RXFP1: variants seen among roughly 807,000 people sequenced by gnomAD.
RXFP1 encodes relaxin receptor 1.
Under a neutral mutation model 89.8 loss-of-function variants are expected in RXFP1, and 73 were observed. That is an observed-to-expected ratio of 0.81 (90% CI 0.67 to 0.99). RXFP1 has a LOEUF of 0.99. Among genes scored for constraint, RXFP1 ranks in the 50% least tolerant of loss-of-function variants. The pLI, the probability that RXFP1 is intolerant of heterozygous loss-of-function variation, is 0.00. For synonymous variants in RXFP1, 277 were observed against 305.5 expected (o/e 0.91, Z 0.97); for missense variants, 793 against 895.5 (o/e 0.89, Z 1.46).
At chr4:158,610,928 T>G (rs1025822684) in intron 6 of RXFP1, among the ~76,000 whole-genome samples, 1 of 152,196 alleles carries the variant, frequency 6.6e-6, no homozygotes, top group African/African-American at 2.4e-5. Context: ...GGATGTTTAC[T>G]CAAGATATGA....
intron 9 of RXFP1, among the ~76,000 whole-genome samples, chr4:158,619,469 A>G (rs1323844057): frequency 6.6e-6 from 1 of 152,206 alleles, no homozygotes; most frequent in African/African-American, 2.4e-5. Context: ...GCAGGTACAA[A>G]GAAAACTAAA....
chr4:158,611,692 C>T (rs1043348010), intron 6 of RXFP1, among the ~76,000 whole-genome samples: 1 of 152,216 alleles, frequency 6.6e-6, no homozygotes, highest in Non-Finnish European at 1.5e-5. Context: ...CCTCATTCCT[C>T]CACACTCTGC....
intron 1 of RXFP1, among the ~76,000 whole-genome samples, chr4:158,541,006 A>G (rs2149828678): frequency 6.6e-6 from 1 of 152,308 alleles, no homozygotes; most frequent in Non-Finnish European, 1.5e-5. Flanking sequence ...CACCATGGCA[A>G]TCCTAAAAAA....
intron 1 of RXFP1, among the ~76,000 whole-genome samples, chr4:158,537,119 A>G (rs1247190962): frequency 6.6e-6 from 1 of 152,112 alleles, no homozygotes; most frequent in Non-Finnish European, 1.5e-5. Flanking sequence ...CATTTGATTA[A>G]CATAGATATA....
intron 4 of RXFP1, among the ~76,000 whole-genome samples, chr4:158,601,798 AT>A (rs765979364): frequency 2.6e-5 from 4 of 152,194 alleles, no homozygotes; most frequent in East Asian, 1.9e-4. Context: ...TGAAGTTGGG[AT>A]TTTTTTAAGA....
chr4:158,549,032 A>T (rs989619448), intron 1 of RXFP1, among the ~76,000 whole-genome samples: 1 of 151,744 alleles, frequency 6.6e-6, no homozygotes, highest in Non-Finnish European at 1.5e-5. Context: ...CCTGGATAAT[A>T]TCCTGCAGAG....
chr4:158,544,854 A>G (rs534524563), intron 1 of RXFP1, among the ~76,000 whole-genome samples: 14 of 152,306 alleles, frequency 9.2e-5, no homozygotes, highest in African/African-American at 3.1e-4. Flanking sequence ...TCATTGATGG[A>G]CATTTGGGTT....
In RXFP1 at chr4:158,530,417, C is replaced by T. The variant is rs531728403; in HGVS notation, c.49+8392C>T. On this transcript the variant is annotated intron_variant, in intron 1 of 17. Coordinates refer to ENST00000307765, the MANE Select transcript of RXFP1 (RefSeq NM_021634.4). The stretch of plus-strand genomic sequence containing the variant: ...CTCTTCTCTCACCCTCTGTTGCTCA[C>T]CCTAGCCTTTTGATATTTTAATGGT... Among the ~76,000 whole-genome samples, 14 of 152,192 alleles carry T rather than the reference C, an allele frequency of 9.2e-5. 2 individuals are homozygous for T. Among genetic ancestry groups the T allele is most frequent in the Non-Finnish European group, 1.9e-4 (13 of 68,036 alleles).
intron 11 of RXFP1, 52 bp from the exon 12 acceptor site, chr4:158,633,353 A>G (rs1580230517): frequency 8.5e-7 from 1 of 1,170,842 alleles, no homozygotes; most frequent in East Asian, 2.4e-5. Context: ...TTTCAGAACA[A>G]TGAGTAAAGT....
At chr4:158,625,668 G>A (rs982698227) in intron 9 of RXFP1, among the ~76,000 whole-genome samples, 1 of 152,052 alleles carries the variant, frequency 6.6e-6, no homozygotes, top group African/African-American at 2.4e-5. Context: ...TTTTAATGCA[G>A]CACCTAAAAT....
intron 1 of RXFP1, chr4:158,543,681 TC>T (rs1436300444): frequency 3.9e-6 from 3 of 774,052 alleles, no homozygotes; most frequent in Non-Finnish European, 4.7e-6. Context: ...ATTTCATATT[TC>T]TTCTCAGTTT....
chr4:158,539,870 C>T (rs1746176775), intron 1 of RXFP1, among the ~76,000 whole-genome samples: 2 of 152,118 alleles, frequency 1.3e-5, no homozygotes, highest in African/African-American at 4.8e-5. Context: ...AAAAAAATCA[C>T]AGATTTCAAG....
In RXFP1 at chr4:158,644,806, A is replaced by C. The variant is rs189585870; in HGVS notation, c.1116-103A>C. The C allele has an allele frequency of 6.2e-5, 48 of 777,666 alleles. No homozygotes were observed. In the East Asian group the frequency reaches 1.3e-3, roughly 21 times the overall value. The allele number at this position is 777,666 out of a possible 1,614,324, so 48.2% of individuals were successfully genotyped here. A position where few individuals can be genotyped will look rare whatever the true frequency, so the allele number is the denominator to read the frequency against. ...GTTTTAGTCCTCTCAATTTCATCTT[A>C]AGACATTTTCTTTCTACCGATAAAA... On this transcript the variant is annotated intron_variant, in intron 14 of 17. Transcript: ENST00000307765.
intron 1 of RXFP1, among the ~76,000 whole-genome samples, chr4:158,562,648 T>C (rs1309082305): frequency 6.6e-6 from 1 of 151,946 alleles, no homozygotes; most frequent in East Asian, 1.9e-4. Context: ...CAATTTTTTT[T>C]ACCAGGATAT....
Position 158,599,332 on chromosome 4 carries a change from G to T in RXFP1, c.293G>T (p.Gly98Val). 1 of 1,613,788 alleles carries T rather than the reference G, an allele frequency of 6.2e-7. No individual in the cohort carries two copies. Among genetic ancestry groups the T allele is most frequent in the Non-Finnish European group, 8.5e-7 (1 of 1,179,910 alleles). The change falls in exon 4 of 18, where the codon GGT becomes GTT. Residue 98 changes from glycine to valine, a missense_variant. Transcript: ENST00000307765. ...FEAETPECLVGSVPVQCLCQG... is the reference protein window; with the variant it reads ...FEAETPECLVVSVPVQCLCQG... ...CCACTTCCCCTTGATTCAGTGGTCG[G>T]TTCTGTGCCAGTGCAATGTCTTTGC...
chr4:158,612,375 C>T lies in RXFP1; in HGVS notation c.680+13C>T. 1 of 1,539,558 alleles carries T rather than the reference C, an allele frequency of 6.5e-7. No individual in the cohort carries two copies. The highest frequency in any genetic ancestry group is 8.9e-7 in the Non-Finnish European group (1 of 1,123,082). ...CTCTTATTCTCTTGTAAGTACTAAA[C>T]TAAAGCAAATATTTCAATCAAAGGC... On this transcript the variant is annotated intron_variant, in intron 8 of 17. Coordinates refer to ENST00000307765, the MANE Select transcript of RXFP1 (RefSeq NM_021634.4).
At chr4:158,578,299 G>C (rs1000263434) in intron 2 of RXFP1, among the ~76,000 whole-genome samples, 1 of 152,142 alleles carries the variant, frequency 6.6e-6, no homozygotes, top group African/African-American at 2.4e-5. Flanking sequence ...CAATCAAACA[G>C]CATAAGGACC....
intron 3 of RXFP1, among the ~76,000 whole-genome samples, chr4:158,593,991 A>G (rs1760044546): frequency 6.6e-6 from 1 of 152,220 alleles, no homozygotes; most frequent in South Asian, 2.1e-4. Context: ...AGGGGTATGG[A>G]AGGTATAAAC....
intron 1 of RXFP1, among the ~76,000 whole-genome samples, chr4:158,568,174 C>T (rs897735603): frequency 1.3e-5 from 2 of 152,154 alleles, no homozygotes; most frequent in Non-Finnish European, 1.5e-5. Context: ...CAAACAAATC[C>T]GAACATCAGA....
Sources: allele counts gnomAD v4.1 joint callset (sites outside exome capture counted in the v4.1 genomes callset), GRCh38; gene constraint gnomAD v4.1.1; transcripts MANE v1.5; gene names NCBI Gene and HGNC (gene_info 2026-07-23, HGNC 2026-07-21).